VAV3: variants seen among roughly 807,000 people sequenced by gnomAD.
The protein encoded by VAV3 is vav guanine nucleotide exchange factor 3, also known as guanine nucleotide exchange factor VAV3.
Under a neutral mutation model 131.2 loss-of-function variants are expected in VAV3, and 94 were observed. That is an observed-to-expected ratio of 0.72 (90% CI 0.61 to 0.85). VAV3 has a LOEUF of 0.85. Ranked by LOEUF, VAV3 falls within the 40% of genes least tolerant of loss-of-function variation. VAV3 has a pLI of 0.00. For missense variants in VAV3, 939 were observed against 1,002.7 expected, an observed-to-expected ratio of 0.94 and a Z score of 0.86; for synonymous variants, 349 against 342.0, an observed-to-expected ratio of 1.02 and a Z score of -0.22.
chr1:107,872,466 C>T (rs559001728), intron 2 of VAV3, among the ~76,000 whole-genome samples: 5 of 152,088 alleles, frequency 3.3e-5, no homozygotes, highest in African/African-American at 7.2e-5. Flanking sequence ...TTAAATCCTA[C>T]GGAATGGAGG....
chr1:107,573,895 C>T, intron 26 of VAV3, 152 bp downstream of exon 26: 1 of 1,017,448 alleles, frequency 9.8e-7, no homozygotes. Context: ...CTGGTATCAG[C>T]AAAACACAGC....
At chr1:107,775,258 T>C (rs1001433297) in intron 4 of VAV3, among the ~76,000 whole-genome samples, 9 of 152,088 alleles carry the variant, frequency 5.9e-5, no homozygotes, top group African/African-American at 1.9e-4. Context: ...TAAAAATTTA[T>C]AGGTGTAAGT....
At chr1:107,641,461 A>T (rs1185485764) in intron 20 of VAV3, among the ~76,000 whole-genome samples, 1 of 152,174 alleles carries the variant, frequency 6.6e-6, no homozygotes, top group East Asian at 1.9e-4. Flanking sequence ...AAATATTTCT[A>T]ACATACACAT....
chr1:107,670,181 T>C (rs1256360089), intron 19 of VAV3, among the ~76,000 whole-genome samples: 1 of 152,228 alleles, frequency 6.6e-6, no homozygotes, highest in Non-Finnish European at 1.5e-5. Context: ...ATGCCCATAC[T>C]GCTTCCTACC....
chr1:107,727,167 A>C (rs1661894807), intron 15 of VAV3, among the ~76,000 whole-genome samples: 1 of 152,224 alleles, frequency 6.6e-6, no homozygotes. Flanking sequence ...ACCCCTCTTC[A>C]AGTATGGATG....
chr1:107,908,334 A>C (rs143895510), intron 1 of VAV3, among the ~76,000 whole-genome samples: 1 of 152,308 alleles, frequency 6.6e-6, no homozygotes, highest in East Asian at 1.9e-4. Context: ...TAGGTGGCTG[A>C]TATCATAGGT....
chr1:107,708,810 T>A (rs1052489968), intron 15 of VAV3, among the ~76,000 whole-genome samples: 13 of 152,090 alleles, frequency 8.5e-5, no homozygotes, highest in Non-Finnish European at 1.6e-4. Context: ...ACATGTACAT[T>A]TTCTCTTAAC....
At chr1:107,745,749 T>C (rs1349064453) in intron 15 of VAV3, among the ~76,000 whole-genome samples, 4 of 152,210 alleles carry the variant, frequency 2.6e-5, no homozygotes, top group Non-Finnish European at 5.9e-5. Context: ...AATGATCCAA[T>C]CATCCTATAA....
At chr1:107,808,506 A>G (rs767938955) in intron 2 of VAV3, among the ~76,000 whole-genome samples, 1 of 152,144 alleles carries the variant, frequency 6.6e-6, no homozygotes, top group African/African-American at 2.4e-5. Flanking sequence ...TTATAGTATA[A>G]AAACTAACAA....
chr1:107,777,417 C>G, intron 3 of VAV3, 121 bp from the exon 4 acceptor site: 1 of 846,978 alleles, frequency 1.2e-6, no homozygotes, highest in Non-Finnish European at 1.9e-6. Context: ...ATGGTCAGAT[C>G]AGTCACCATG....
At chr1:107,618,090 G>A (rs558895628) in intron 20 of VAV3, among the ~76,000 whole-genome samples, 7 of 152,084 alleles carry the variant, frequency 4.6e-5, no homozygotes, top group South Asian at 2.1e-4. Context: ...TCAAGTCTGC[G>A]CTCCTATGAG....
intron 1 of VAV3, among the ~76,000 whole-genome samples, chr1:107,960,401 G>C (rs1262961297): frequency 6.6e-6 from 1 of 151,964 alleles, no homozygotes; most frequent in Admixed American, 6.6e-5. Context: ...GGGAGGCGGA[G>C]GTTGCAGTGA....
At chr1:107,574,767 A>G (rs914058910) in intron 25 of VAV3, among the ~76,000 whole-genome samples, 2 of 152,188 alleles carry the variant, frequency 1.3e-5, no homozygotes, top group African/African-American at 4.8e-5. Context: ...TTTGGGGATA[A>G]ATTTAGTTAT....
At chr1:107,764,964 T>A in intron 9 of VAV3, 112 bp downstream of exon 9, 1 of 668,208 alleles carries the variant, frequency 1.5e-6, no homozygotes, top group Non-Finnish European at 2.5e-6. Context: ...AAAATTGACA[T>A]GAAATTATAT....
At chr1:107,944,018 G>A (rs1674127195) in intron 1 of VAV3, among the ~76,000 whole-genome samples, 2 of 152,202 alleles carry the variant, frequency 1.3e-5, no homozygotes, top group East Asian at 3.9e-4. Flanking sequence ...AGCTGTGCCT[G>A]GTTTTGACAG....
chr1:107,764,933 A>T (rs1570919194), intron 9 of VAV3, 143 bp downstream of exon 9: 2 of 573,354 alleles, frequency 3.5e-6, no homozygotes, highest in African/African-American at 3.8e-5. Flanking sequence ...ACTATTTTAT[A>T]GAGCTGTTTA....
chr1:107,603,218 G>A, intron 22 of VAV3, 55 bp from the exon 23 acceptor site: 2 of 1,316,550 alleles, frequency 1.5e-6, no homozygotes, highest in South Asian at 2.5e-5. Flanking sequence ...AGAGAACAGA[G>A]GCTAAAAGTA....
chr1:107,582,680 G>A (rs1482936723), intron 25 of VAV3, among the ~76,000 whole-genome samples: 12 of 150,658 alleles, frequency 8.0e-5, no homozygotes, highest in South Asian at 2.1e-4. Context: ...TTTTGTTCTC[G>A]CGATAGTTTA....
At chr1:107,803,421 T>C (rs1666918801) in intron 2 of VAV3, among the ~76,000 whole-genome samples, 1 of 152,104 alleles carries the variant, frequency 6.6e-6, no homozygotes, top group Admixed American at 6.6e-5. Context: ...GCTGTTGCTG[T>C]ATCCCACAGA....
Sources: gnomAD v4.1 joint callset for allele counts (sites outside exome capture counted in the v4.1 genomes callset) on GRCh38, gnomAD v4.1.1 for gene constraint, MANE v1.5 for transcripts, NCBI Gene and HGNC (gene_info 2026-07-23, HGNC 2026-07-21) for gene names.